PLAT: variants seen among roughly 807,000 people sequenced by gnomAD.
PLAT encodes plasminogen activator, tissue type.
In PLAT, 48 loss-of-function variants were observed where a neutral mutation model predicts 74.9. That is an observed-to-expected ratio of 0.64 (90% CI 0.51 to 0.82). The LOEUF is 0.82. Among genes scored for constraint, PLAT ranks in the 40% least tolerant of loss-of-function variants. PLAT has a pLI of 0.00. For missense variants in PLAT, 673 were observed against 736.2 expected (o/e 0.91, Z 0.99); for synonymous variants, 307 against 294.4 (o/e 1.04, Z -0.44).
At chr8:42,202,673 ATAGT>A (rs1806180069) in intron 1 of PLAT, among the ~76,000 whole-genome samples, 1 of 152,128 alleles carries the variant, frequency 6.6e-6, no homozygotes, top group Admixed American at 6.5e-5. Flanking sequence ...GAAAGAGCTC[ATAGT>A]TAGGAAGGGG....
intron 1 of PLAT, chr8:42,193,797 G>T (rs981889964): frequency 2.0e-5 from 3 of 150,438 alleles, no homozygotes; most frequent in African/African-American, 7.4e-5. Context: ...CTCACTACAA[G>T]CTCCGCCTCC....
chr8:42,179,692 CA>C (rs1316694565), intron 12 of PLAT, among the ~76,000 whole-genome samples: 2 of 152,210 alleles, frequency 1.3e-5, no homozygotes, highest in East Asian at 1.9e-4. Context: ...AGAACCTTCC[CA>C]ACACCTGCAG....
chr8:42,186,641 A>G (rs1159075361), intron 6 of PLAT: 3 of 152,070 alleles, frequency 2.0e-5, no homozygotes, highest in Non-Finnish European at 4.4e-5. Context: ...GGCAAAATCA[A>G]CTTTCTAAAT....
At chr8:42,189,697 C>T (rs1213055273) in intron 3 of PLAT, among the ~76,000 whole-genome samples, 1 of 150,896 alleles carries the variant, frequency 6.6e-6, no homozygotes, top group Admixed American at 6.6e-5. Context: ...CTCCTGGGTT[C>T]AAGTGATTCT....
At chr8:42,194,280 G>GTA (rs1449465501) in intron 1 of PLAT, among the ~76,000 whole-genome samples, 26 of 141,490 alleles carry the variant, frequency 1.8e-4, no homozygotes, top group Non-Finnish European at 4.0e-4. Flanking sequence ...GTGTGTGTGT[G>GTA]TGTAGAGACA....
intron 3 of PLAT, among the ~76,000 whole-genome samples, chr8:42,189,819 G>A (rs949862416): frequency 2.6e-5 from 4 of 151,648 alleles, no homozygotes; most frequent in Admixed American, 1.3e-4. Flanking sequence ...GGCTGGTCTC[G>A]AACTCCTGAT....
chr8:42,189,139 C>T (rs1805595081), intron 3 of PLAT, 68 bp from the exon 4 acceptor site: 5 of 1,550,588 alleles, frequency 3.2e-6, no homozygotes, highest in Non-Finnish European at 4.4e-6. Flanking sequence ...TACCCTTGCA[C>T]CTACTGAGAA....
Position 42,187,983 on chromosome 8 carries a change from G to C in PLAT, c.287C>G (p.Thr96Ser), listed in dbSNP as rs1445739162. Residue 96 changes from threonine (T) to serine (S), a missense_variant, in exon 5 of 14, where the codon ACC becomes AGC. By Grantham distance (58) the Thr-to-Ser change is moderately conservative. Transcript: ENST00000220809. ...TGAGAAGTACAGGGCCTGCTGGCAG[G>C]TGCCCCCGTTGAAACACCTTGGCTC... Reference protein sequence around the residue: ...CSEPRCFNGGTCQQALYFSDF... With the variant: ...CSEPRCFNGGSCQQALYFSDF... The C allele has an allele frequency of 6.2e-7, 1 of 1,613,564 alleles. No individual in the cohort carries two copies. Among genetic ancestry groups the C allele is most frequent in the Admixed American group, 1.7e-5 (1 of 59,990 alleles).
chr8:42,194,237 AGAGAGTGT>A lies in PLAT; in HGVS notation c.-26-1034_-26-1027del, dbSNP rs1253921256. Among the ~76,000 whole-genome samples the A allele has an allele frequency of 8.9e-4, 54 of 60,638 alleles. 1 individual carries two copies. Among genetic ancestry groups the A allele is most frequent in the Admixed American group, 3.8e-3 (18 of 4,688 alleles). 39.8% of individuals were successfully genotyped at this position (60,638 alleles called of 152,430 possible). ...GGCTGAGAGAGAGAGAGAGAGAGAG[AGAGAGTGT>A]GTGTGTGTGTGTGTGTGTGTGTGTG... On this transcript the variant is annotated intron_variant, in intron 1 of 13. Coordinates refer to ENST00000220809, the MANE Select transcript of PLAT (RefSeq NM_000930.5).
intron 1 of PLAT, among the ~76,000 whole-genome samples, chr8:42,203,992 T>TACACACACACACACACACAC (rs775189467): frequency 3.6e-5 from 4 of 109,858 alleles, no homozygotes; most frequent in East Asian, 2.5e-4. Context: ...TATATATATA[T>TACACACACACACACACACAC]ACACACACAC....
chr8:42,186,763 C>CATCT (rs199862343), intron 6 of PLAT: 2 of 151,990 alleles, frequency 1.3e-5, no homozygotes, highest in Non-Finnish European at 2.9e-5. Flanking sequence ...ATCTGTCTAT[C>CATCT]ATCTATCTAT....
intron 3 of PLAT, among the ~76,000 whole-genome samples, chr8:42,190,717 G>A (rs1485896210): frequency 6.6e-6 from 1 of 152,210 alleles, no homozygotes; most frequent in African/African-American, 2.4e-5. Flanking sequence ...GGTCGTGAAG[G>A]AGGGAAATCG....
At chr8:42,200,460 A>G (rs1003602110) in intron 1 of PLAT, among the ~76,000 whole-genome samples, 1 of 152,056 alleles carries the variant, frequency 6.6e-6, no homozygotes, top group African/African-American at 2.4e-5. Context: ...GGGTGGCTTG[A>G]TCCTTGGAGT....
chr8:42,188,373 G>T (rs1805564639), intron 4 of PLAT: 1 of 203,550 alleles, frequency 4.9e-6, no homozygotes, highest in Non-Finnish European at 9.9e-6. Context: ...ACCATGAAGT[G>T]TGTACTGTTA....
At chr8:42,198,061 G>A (rs1227889785) in intron 1 of PLAT, among the ~76,000 whole-genome samples, 2 of 152,204 alleles carry the variant, frequency 1.3e-5, no homozygotes, top group African/African-American at 2.4e-5. Flanking sequence ...GGCCACATGA[G>A]GTGGTTCACG....
At chr8:42,180,147 T>A in intron 11 of PLAT, 81 bp from the exon 12 acceptor site, 1 of 1,587,732 alleles carries the variant, frequency 6.3e-7, no homozygotes, top group Non-Finnish European at 8.6e-7. Flanking sequence ...GGGCAGGGGC[T>A]GGAGGAGGAG....
Position 42,189,573 on chromosome 8 carries a change from C to T in PLAT, c.116-502G>A, listed in dbSNP as rs116179795. Reference sequence around the variant, plus strand: ...TTCTGAGTGCCATTGAGTATCTTCTCATATGATTTATTTATTTATTATTTA... The same window carrying T: ...TTCTGAGTGCCATTGAGTATCTTCTTATATGATTTATTTATTTATTATTTA... On this transcript the variant is annotated intron_variant, in intron 3 of 13. Coordinates refer to ENST00000220809, the MANE Select transcript of PLAT (RefSeq NM_000930.5). Among the ~76,000 whole-genome samples, 885 of 151,486 alleles carry T rather than the reference C, an allele frequency of 5.8e-3. 9 individuals are homozygous for T. The highest frequency in any genetic ancestry group is 0.02 in the African/African-American group (809 of 41,324).
intron 1 of PLAT, among the ~76,000 whole-genome samples, chr8:42,202,955 C>T (rs1223842349): frequency 6.6e-6 from 1 of 152,130 alleles, no homozygotes; most frequent in East Asian, 1.9e-4. Flanking sequence ...AAGCACAGAG[C>T]CCCCTACCCA....
At chr8:42,193,289 G>C (rs1805757485) in intron 1 of PLAT, 78 bp from the exon 2 acceptor site, 1 of 919,610 alleles carries the variant, frequency 1.1e-6, no homozygotes. Context: ...AAGCCGCAAT[G>C]TTGTCCTGTC....
Sources: gnomAD v4.1 joint callset for allele counts (sites outside exome capture counted in the v4.1 genomes callset) on GRCh38, gnomAD v4.1.1 for gene constraint, MANE v1.5 for transcripts, NCBI Gene and HGNC (gene_info 2026-07-23, HGNC 2026-07-21) for gene names.